Variants in CUX1 observed in about 807,000 individuals in gnomAD.
The protein encoded by CUX1 is protein CASP.
In CUX1, 31 loss-of-function variants were observed where a neutral mutation model predicts 158.8. The observed-to-expected ratio is 0.20, with a 90% CI of 0.15 to 0.26. The LOEUF (loss-of-function observed/expected upper bound fraction) is 0.26, where lower values mean the gene tolerates loss of function less well. CUX1 is among the 10% of genes least tolerant of loss of function. The pLI is 1.00. For synonymous variants in CUX1, 879 were observed against 862.1 expected (o/e 1.02, Z -0.34); for missense variants, 1,589 against 2,014.6 (o/e 0.79, Z 4.04).
intron 2 of CUX1, among the ~76,000 whole-genome samples, chr7:101,956,893 G>A (rs1273212087): frequency 6.6e-6 from 1 of 152,176 alleles, no homozygotes; most frequent in Non-Finnish European, 1.5e-5. Flanking sequence ...AGGTTGTGGT[G>A]GGCTGTGATC....
At chr7:102,269,769 A>G (rs1411305212) in intron 14 of CUX1, among the ~76,000 whole-genome samples, 1 of 152,034 alleles carries the variant, frequency 6.6e-6, no homozygotes, top group African/African-American at 2.4e-5. Context: ...ACCATCGAAC[A>G]AGTCTCTAAG....
intron 20 of CUX1, among the ~76,000 whole-genome samples, chr7:102,223,795 C>A (rs936042910): frequency 6.6e-6 from 1 of 152,050 alleles, no homozygotes; most frequent in Non-Finnish European, 1.5e-5. Flanking sequence ...ATTGTGAAAC[C>A]CCATCTCTAC....
At position 102,227,466 on chromosome 7, in the gene CUX1, C is replaced by T; in HGVS notation, c.3230C>T (p.Pro1077Leu). ...VKSLTELVQQ[P>L]CPPIEASKDS... ...AGCCTGACCGAGCTGGTCCAGCAGC[C>T]CTGTCCCCCCATCGAGGCGAGCAAG... Residue 1077 changes from proline to leucine, a missense_variant, in exon 21 of 24, where the codon CCC becomes CTC. Physicochemically the swap from Pro to Leu is moderately conservative, Grantham distance 98. Transcript: ENST00000292535. The T allele has an allele frequency of 6.2e-7, 1 of 1,614,100 alleles. No homozygotes were observed. The highest frequency in any genetic ancestry group is 8.5e-7 in the Non-Finnish European group (1 of 1,180,030).
chr7:102,127,208 CT>C (rs1233149961), intron 8 of CUX1, among the ~76,000 whole-genome samples: 2 of 151,948 alleles, frequency 1.3e-5, no homozygotes, highest in Non-Finnish European at 2.9e-5. Flanking sequence ...TTTCTTTTTT[CT>C]TTTTTTTCTT....
chr7:102,115,305 T>C, intron 8 of CUX1, 32 bp downstream of exon 8: 1 of 1,585,130 alleles, frequency 6.3e-7, no homozygotes, highest in Non-Finnish European at 8.6e-7. Flanking sequence ...CCCTTATCCG[T>C]ACACATTTCT....
intron 1 of CUX1, among the ~76,000 whole-genome samples, chr7:101,820,425 G>T (rs942932556): frequency 2.0e-5 from 3 of 152,152 alleles, no homozygotes; most frequent in Admixed American, 6.5e-5. Context: ...TATATCTGAC[G>T]AATTGTAACA....
intron 2 of CUX1, among the ~76,000 whole-genome samples, chr7:102,005,624 C>T (rs528228330): frequency 6.6e-6 from 1 of 152,324 alleles, no homozygotes; most frequent in South Asian, 2.1e-4. Flanking sequence ...ACGTGAGCCA[C>T]TGCACCTGGC....
intron 12 of CUX1, among the ~76,000 whole-genome samples, chr7:102,192,185 C>T (rs781804206): frequency 5.3e-5 from 8 of 152,204 alleles, no homozygotes; most frequent in African/African-American, 9.6e-5. Context: ...ACAGGGGATG[C>T]TGACCTCAGA....
intron 11 of CUX1, among the ~76,000 whole-genome samples, chr7:102,189,399 A>ATT (rs1554516291): frequency 1.4e-4 from 12 of 83,648 alleles, no homozygotes; most frequent in Middle Eastern, 7.1e-3. Flanking sequence ...TTTTTTTAAA[A>ATT]AAAAAAGAGG....
chr7:102,261,618 G>C (rs1391715392), downstream of CUX1, among the ~76,000 whole-genome samples: 1 of 151,784 alleles, frequency 6.6e-6, no homozygotes, highest in African/African-American at 2.4e-5. Flanking sequence ...CAGGGAGCGG[G>C]ATTTGAGGAC....
chr7:102,282,098 C>T (rs116134369), intron 21 of CUX1, among the ~76,000 whole-genome samples: 233 of 152,294 alleles, frequency 1.5e-3, no homozygotes, highest in African/African-American at 5.5e-3. Flanking sequence ...CGAGAAGGAC[C>T]CACCCCATTG....
chr7:102,076,300 G>A (rs1826712657), intron 4 of CUX1, among the ~76,000 whole-genome samples: 1 of 151,948 alleles, frequency 6.6e-6, no homozygotes, highest in South Asian at 2.1e-4. Flanking sequence ...CAGGACAGTC[G>A]GTTGAACCCA....
chr7:102,092,853 T>C (rs1474383713), intron 4 of CUX1, among the ~76,000 whole-genome samples: 2 of 140,660 alleles, frequency 1.4e-5, no homozygotes, highest in Non-Finnish European at 3.0e-5. Context: ...GCAGAGGATG[T>C]AGTGAGCCAA....
chr7:101,911,127 G>A (rs747057625), intron 1 of CUX1, among the ~76,000 whole-genome samples: 1 of 152,298 alleles, frequency 6.6e-6, no homozygotes, highest in East Asian at 1.9e-4. Flanking sequence ...CAGCCAGGCC[G>A]ACTTGGTGAT....
intron 1 of CUX1, among the ~76,000 whole-genome samples, chr7:101,835,045 T>C (rs546117681): frequency 9.9e-5 from 15 of 152,036 alleles, no homozygotes; most frequent in African/African-American, 2.2e-4. Context: ...TTAAAATCCA[T>C]AGGTGTTTGG....
At chr7:102,074,299 G>C (rs777789825) in intron 4 of CUX1, among the ~76,000 whole-genome samples, 8 of 152,294 alleles carry the variant, frequency 5.3e-5, no homozygotes, top group Non-Finnish European at 1.2e-4. Flanking sequence ...TGGGAATAAT[G>C]CAACAGGCAT....
chr7:101,891,039 A>G (rs1800826994), intron 1 of CUX1, among the ~76,000 whole-genome samples: 1 of 151,920 alleles, frequency 6.6e-6, no homozygotes, highest in Non-Finnish European at 1.5e-5. Flanking sequence ...CACATTTTGA[A>G]TACTTCTCTA....
intron 2 of CUX1, among the ~76,000 whole-genome samples, chr7:101,969,359 C>CAAAAAAAAAAAAAAAAAAAAAAAAACAAA (rs10711703): frequency 1.8e-5 from 1 of 56,118 alleles, no homozygotes; most frequent in Non-Finnish European, 3.2e-5. Flanking sequence ...CAAAAAACAG[C>CAAAAAAAAAAAAAAAAAAAAAAAAACAAA]AAAAAAAAAA....
chr7:102,027,325 A>G (rs184885770), intron 2 of CUX1, among the ~76,000 whole-genome samples: 4 of 151,818 alleles, frequency 2.6e-5, no homozygotes, highest in Admixed American at 2.0e-4. Context: ...GTGAGCTGAG[A>G]TCTTGCCACT....
Sources: gnomAD v4.1 joint callset for allele counts (sites outside exome capture counted in the v4.1 genomes callset) on GRCh38, gnomAD v4.1.1 for gene constraint, MANE v1.5 for transcripts, NCBI Gene and HGNC (gene_info 2026-07-23, HGNC 2026-07-21) for gene names.